ABRAXAS1: variants seen among roughly 807,000 people sequenced by gnomAD.
The protein encoded by ABRAXAS1 is abraxas 1, BRCA1 A complex subunit.
ABRAXAS1 carries 26 observed loss-of-function variants against 38.4 expected under a neutral mutation model. That is an observed-to-expected ratio of 0.68 (90% CI 0.50 to 0.94). The LOEUF (loss-of-function observed/expected upper bound fraction) is 0.94. Ranked by LOEUF, ABRAXAS1 falls within the 40% of genes least tolerant of loss-of-function variation. The pLI is 0.00. For missense variants in ABRAXAS1, 438 were observed against 481.9 expected (o/e 0.91, Z 0.85); for synonymous variants, 144 against 165.5 (o/e 0.87, Z 1.00).
Position 83,484,973 on chromosome 4 carries a change from T to C in ABRAXAS1, c.87+13A>G. Reference sequence around the variant, plus strand: ...CCAGGCGACGCCGGACCCCGCCCCGTCCCTCGGCTCACCGTGTCCGAGTCC... The same window carrying C: ...CCAGGCGACGCCGGACCCCGCCCCGCCCCTCGGCTCACCGTGTCCGAGTCC... On this transcript the variant is annotated intron_variant, in intron 1 of 8. Coordinates refer to ENST00000321945, the MANE Select transcript of ABRAXAS1 (RefSeq NM_139076.3). 1.9e-6 allele frequency: 3 copies of C among 1,567,036 alleles called. No homozygotes were observed. Among genetic ancestry groups the C allele is most frequent in the Non-Finnish European group, 1.7e-6 (2 of 1,155,282 alleles).
At chr4:83,464,906 C>T (rs893890523) in intron 7 of ABRAXAS1, among the ~76,000 whole-genome samples, 8 of 152,218 alleles carry the variant, frequency 5.3e-5, no homozygotes, top group Admixed American at 2.6e-4. Flanking sequence ...AGTTCAGCTG[C>T]TTTCTGCCTA....
intron 4 of ABRAXAS1, among the ~76,000 whole-genome samples, chr4:83,471,213 TTTTTTTTTTTGA>T (rs1460193522): frequency 3.7e-5 from 4 of 108,896 alleles, no homozygotes; most frequent in Admixed American, 2.0e-4. Flanking sequence ...TTTTTTTTTT[TTTTTTTTTTTGA>T]GACAGTCTGG....
At chr4:83,466,063 G>C (rs1294803536) in intron 7 of ABRAXAS1, among the ~76,000 whole-genome samples, 1 of 152,112 alleles carries the variant, frequency 6.6e-6, no homozygotes, top group Non-Finnish European at 1.5e-5. Flanking sequence ...GCACACTGCA[G>C]GTATTAGTGC....
In ABRAXAS1 at chr4:83,461,536, C is replaced by G. The variant is rs769016871; in HGVS notation, c.*933G>C. 6.3e-6 allele frequency: 2 copies of G among 319,560 alleles called. No individual in the cohort carries two copies. The highest frequency in any genetic ancestry group is 1.2e-5 in the Non-Finnish European group (2 of 168,400). 19.8% of individuals were successfully genotyped at this position (319,560 alleles called of 1,614,324 possible). A position where few individuals can be genotyped will look rare whatever the true frequency, so the allele number is the denominator to read the frequency against. On this transcript the variant is annotated 3_prime_UTR_variant, in exon 9 of 9. Transcript: ENST00000321945. ...AAGTATGCCTGGTTAAGATATCTTC[C>G]CTTTGTAGAAATGTTACATTGGGAT...
intron 6 of ABRAXAS1, among the ~76,000 whole-genome samples, chr4:83,468,014 T>G (rs112481142): frequency 0.1 from 15,423 of 152,062 alleles, 900 homozygotes; most frequent in African/African-American, 0.15. Flanking sequence ...ATGAAAAATG[T>G]GCATCTTGCC....
Position 83,462,286 on chromosome 4 carries a change from G to A in ABRAXAS1, c.*183C>T. The A allele has an allele frequency of 1.7e-6, 1 of 575,742 alleles. No homozygotes were observed. The highest frequency in any genetic ancestry group is 3.0e-6 in the Non-Finnish European group (1 of 332,288). 35.7% of individuals were successfully genotyped at this position (575,742 alleles called of 1,614,324 possible). A position where few individuals can be genotyped will look rare whatever the true frequency, so the allele number is the denominator to read the frequency against. ...AAAAGGTTTGGAAATAAAAGCATCT[G>A]ATGTTTGAAAAAGTACTTTGTGAAG... On this transcript the variant is annotated 3_prime_UTR_variant, in exon 9 of 9. Transcript: ENST00000321945.
In ABRAXAS1 at chr4:83,459,974, T is replaced by C; in HGVS notation, c.*2495A>G. On this transcript the variant is annotated 3_prime_UTR_variant, in exon 9 of 9. Transcript: ENST00000321945. ...TCTCTTAGGCCAAGAGGATTATTAT[T>C]TTGCTGTCTTATGCAGAGTTAACTA... 3.8e-6 allele frequency: 2 copies of C among 521,360 alleles called. No homozygotes were observed. Among genetic ancestry groups the C allele is most frequent in the Non-Finnish European group, 6.7e-6 (2 of 299,270 alleles). The allele number at this position is 521,360 out of a possible 1,614,324, so 32.3% of individuals were successfully genotyped here. A position where few individuals can be genotyped will look rare whatever the true frequency, so the allele number is the denominator to read the frequency against.
rs1267149361 is a variant in ABRAXAS1 at position 83,462,508 on chromosome 4, C to T, written c.1191G>A (p.Met397Ile). ...SPETDEEIEK[M>I]KGFGEYSRSP... ...ACCGTGAATATTCACCAAAACCCTT[C>T]ATCTTTTCAATTTCTTCATCTGTTT... is the stretch of plus-strand genomic sequence containing the variant. Residue 397 changes from methionine (M) to isoleucine (I), a missense_variant, in exon 9 of 9, where the codon ATG becomes ATA. Transcript: ENST00000321945. The T allele has an allele frequency of 6.2e-7, 1 of 1,613,932 alleles. No homozygotes were observed. The highest frequency in any genetic ancestry group is 1.1e-5 in the South Asian group (1 of 91,056).
chr4:83,471,204 TTTTTTTTTTTTTTTTTTTTGA>T (rs1176234886), intron 4 of ABRAXAS1, among the ~76,000 whole-genome samples: 1 of 119,620 alleles, frequency 8.4e-6, no homozygotes, highest in African/African-American at 3.4e-5. Context: ...TTTTTTTTTT[TTTTTTTTTTTTTTTTTTTTGA>T]GACAGTCTGG....
intron 1 of ABRAXAS1, among the ~76,000 whole-genome samples, chr4:83,484,561 G>C (rs922694182): frequency 4.6e-5 from 7 of 152,224 alleles, no homozygotes; most frequent in African/African-American, 1.7e-4. Flanking sequence ...AACACGCACA[G>C]ACGCTGCTCT....
intron 7 of ABRAXAS1, among the ~76,000 whole-genome samples, chr4:83,465,752 C>T (rs1193477611): frequency 2.0e-5 from 3 of 152,184 alleles, no homozygotes; most frequent in Non-Finnish European, 4.4e-5. Flanking sequence ...CATGCCATTG[C>T]TCTCCAGCCT....
intron 1 of ABRAXAS1, among the ~76,000 whole-genome samples, chr4:83,482,674 C>T (rs540355680): frequency 1.3e-5 from 2 of 152,026 alleles, no homozygotes; most frequent in African/African-American, 4.8e-5. Context: ...CCAGCCCAGG[C>T]GATAGAGTGA....
At chr4:83,480,185 A>T (rs968215884) in intron 2 of ABRAXAS1, 1 of 237,716 alleles carries the variant, frequency 4.2e-6, no homozygotes, top group Non-Finnish European at 8.6e-6. Flanking sequence ...CCTGGCCAAC[A>T]TGGTGAAACC....
At chr4:83,476,801 C>A in intron 2 of ABRAXAS1, 122 bp from the exon 3 acceptor site, 1 of 623,986 alleles carries the variant, frequency 1.6e-6, no homozygotes, top group Non-Finnish European at 2.9e-6. Context: ...TGATTTTTAT[C>A]CTCACAACAA....
chr4:83,470,462 T>A, intron 4 of ABRAXAS1, 66 bp from the exon 5 acceptor site: 2 of 1,127,452 alleles, frequency 1.8e-6, no homozygotes, highest in Admixed American at 2.6e-5. Context: ...CTATTATAAT[T>A]AAATAAAATA....
At chr4:83,476,004 C>T (rs1722752309) in intron 3 of ABRAXAS1, among the ~76,000 whole-genome samples, 1 of 152,100 alleles carries the variant, frequency 6.6e-6, no homozygotes. Context: ...GAGTTTGAGA[C>T]CAGCCTGGGC....
intron 8 of ABRAXAS1, 85 bp from the exon 9 acceptor site, chr4:83,462,987 CA>C: frequency 1.1e-6 from 1 of 942,900 alleles, no homozygotes; most frequent in South Asian, 1.8e-5. Flanking sequence ...AAAATTAAGT[CA>C]AAAAGATTTT....
intron 3 of ABRAXAS1, among the ~76,000 whole-genome samples, chr4:83,475,810 G>T (rs553230821): frequency 6.6e-6 from 1 of 152,100 alleles, no homozygotes; most frequent in African/African-American, 2.4e-5. Context: ...CTCAATAAAA[G>T]CTAAAAAATA....
At chr4:83,463,459 T>G (rs1421760737) in intron 8 of ABRAXAS1, 35 bp downstream of exon 8, 1 of 1,428,438 alleles carries the variant, frequency 7.0e-7, no homozygotes, top group East Asian at 2.3e-5. Flanking sequence ...ATAAAAATTT[T>G]TAGCACAGAA....
Sources: gnomAD v4.1 joint callset for allele counts (sites outside exome capture counted in the v4.1 genomes callset) on GRCh38, gnomAD v4.1.1 for gene constraint, MANE v1.5 for transcripts, NCBI Gene and HGNC (gene_info 2026-07-23, HGNC 2026-07-21) for gene names.